The following SDCBP2 variants were observed in gnomAD, a reference collection of about 807,000 sequenced individuals.
SDCBP2 encodes syndecan binding protein 2.
SDCBP2 carries 28 observed loss-of-function variants against 30.7 expected under a neutral mutation model. That is an observed-to-expected ratio of 0.91 (90% CI 0.68 to 1.25). SDCBP2 has a LOEUF of 1.25. Ranked by LOEUF, SDCBP2 falls within the 50% of genes most tolerant of loss-of-function variation. The probability of loss-of-function intolerance (pLI) is 0.00; values close to 1 mark genes in which losing one functional copy is unlikely to be tolerated. For synonymous variants in SDCBP2, 166 were observed against 157.3 expected (o/e 1.06, Z -0.41); for missense variants, 399 against 379.0 (o/e 1.05, Z -0.44).
At chr20:1,326,268 G>C (rs1183284903) in intron 1 of SDCBP2, among the ~76,000 whole-genome samples, 1 of 152,172 alleles carries the variant, frequency 6.6e-6, no homozygotes, top group East Asian at 1.9e-4. Context: ...CCTCCCCAGC[G>C]GTCTCACTGA....
In SDCBP2 at chr20:1,324,051, T is replaced by TC. The variant is rs1268896712; in HGVS notation, c.-19-3617dup. 1 of 152,210 alleles carries TC rather than the reference T, an allele frequency of 6.6e-6. No individual in the cohort carries two copies. Among genetic ancestry groups the TC allele is most frequent in the African/African-American group, 2.4e-5 (1 of 41,422 alleles). 9.4% of individuals were successfully genotyped at this position (152,210 alleles called of 1,614,324 possible). Reference sequence around the variant, plus strand: ...CGTGCTGGTCCCTCTGCTGTGCACATCATCCTCCTTGGTGTGATGCTCCTT... The same window carrying TC: ...CGTGCTGGTCCCTCTGCTGTGCACATCCATCCTCCTTGGTGTGATGCTCCTT... On this transcript the variant is annotated intron_variant, in intron 1 of 8. Coordinates refer to ENST00000360779, the MANE Select transcript of SDCBP2 (RefSeq NM_080489.5). The surrounding 1 kb of genome is among the most constrained non-coding windows in gnomAD (Gnocchi z 4.7).
chr20:1,318,311 T>C lies in SDCBP2; in HGVS notation c.225+7A>G, dbSNP rs1455615580. ...GCGCCCGCAGCAGGCAGAAGCCAAA[T>C]ACATACACTGTCACCCTCTGGAATC... On this transcript the variant is annotated splice_region_variant and intron_variant, in intron 4 of 8. Coordinates refer to ENST00000360779, the MANE Select transcript of SDCBP2 (RefSeq NM_080489.5). 1 of 1,603,698 alleles carries C rather than the reference T, an allele frequency of 6.2e-7. No homozygotes were observed. Among genetic ancestry groups the C allele is most frequent in the Non-Finnish European group, 8.5e-7 (1 of 1,170,678 alleles).
intron 4 of SDCBP2, among the ~76,000 whole-genome samples, chr20:1,314,080 TA>T (rs2088731254): frequency 6.6e-6 from 1 of 152,108 alleles, no homozygotes; most frequent in Non-Finnish European, 1.5e-5. Flanking sequence ...AATCTACAAA[TA>T]AACTCCTAGA....
chr20:1,318,292 G>T, intron 4 of SDCBP2, 26 bp downstream of exon 4: 2 of 1,507,158 alleles, frequency 1.3e-6, no homozygotes, highest in Non-Finnish European at 1.8e-6. Flanking sequence ...TTCTGCGCCC[G>T]CAGCAGGCAG....
rs543907246 is a variant in SDCBP2, at chr20:1,320,908, G to A, written c.-19-473C>T. ...AGAAATGTTTTATTCCCTTCCTGAC[G>A]AAATGTGGGGAAGGAGCAGTCTGCC... On this transcript the variant is annotated intron_variant, in intron 1 of 8. Coordinates refer to ENST00000360779, the MANE Select transcript of SDCBP2 (RefSeq NM_080489.5). The surrounding 1 kb of genome is among the most constrained non-coding windows in gnomAD (Gnocchi z 4.7). 2.2e-4 allele frequency: 33 copies of A among 152,756 alleles called. No individual in the cohort carries two copies. Among genetic ancestry groups the A allele is most frequent in the African/African-American group, 7.2e-4 (30 of 41,552 alleles). The allele number at this position is 152,756 out of a possible 1,614,324, so 9.5% of individuals were successfully genotyped here.
chr20:1,323,377 A>C (rs1189452517), intron 1 of SDCBP2: 3 of 152,224 alleles, frequency 2.0e-5, no homozygotes, highest in African/African-American at 7.2e-5. Context: ...TGCGAAAATA[A>C]GCAGCCACTC....
rs1424770652 is a variant in SDCBP2 at position 1,310,867 on chromosome 20, C to T, written c.757G>A (p.Ala253Thr). 1.9e-6 allele frequency: 3 copies of T among 1,613,936 alleles called. No homozygotes were observed. Among genetic ancestry groups the T allele is most frequent in the Non-Finnish European group, 2.5e-6 (3 of 1,179,888 alleles). Residue 253 changes from alanine to threonine, a missense_variant, in exon 8 of 9, where the codon GCC (alanine) becomes ACC (threonine). Ala to Thr is a moderately conservative substitution (Grantham distance 58). Transcript: ENST00000360779. Reference sequence around the variant, plus strand: ...AGGGTGACAACGTTCCCAGCCGTGGCCAGAATCTCCATGATCTTTTTGTCC... The same window carrying T: ...AGGGTGACAACGTTCCCAGCCGTGGTCAGAATCTCCATGATCTTTTTGTCC... ...LKDKKIMEIL[A>T]TAGNVVTLTI...
rs764916315 is a variant in SDCBP2 at position 1,312,372 on chromosome 20, A to G, written c.697T>C (p.Cys233Arg). ...RNGLLTNHYVCEVDGQNVIGL... is the reference protein window; with the variant it reads ...RNGLLTNHYVREVDGQNVIGL... ...ATAACATTCTGCCCGTCCACCTCAC[A>G]CACGTAGTGGTTGGTGAGGAGCCCG... Residue 233 changes from cysteine to arginine, a missense_variant, in exon 7 of 9, where the codon TGT becomes CGT. By Grantham distance (180) the Cys-to-Arg change is radical (BLOSUM62 -3). Transcript: ENST00000360779. The G allele has an allele frequency of 3.1e-6, 5 of 1,613,390 alleles. No individual in the cohort carries two copies. The highest frequency in any genetic ancestry group is 2.2e-5 in the East Asian group (1 of 44,844).
At chr20:1,326,569 ACT>A (rs1294560479) in intron 1 of SDCBP2, among the ~76,000 whole-genome samples, 1 of 151,700 alleles carries the variant, frequency 6.6e-6, no homozygotes, top group Non-Finnish European at 1.5e-5. Context: ...CTTGTTGTGA[ACT>A]CTTTTTCCTC....
intron 1 of SDCBP2, chr20:1,323,419 G>A (rs1000524088): frequency 2.0e-5 from 3 of 152,180 alleles, no homozygotes; most frequent in Non-Finnish European, 2.9e-5. Flanking sequence ...TTAACCAGTA[G>A]AGCACTTATA....
chr20:1,315,504 G>C (rs2088764356), intron 4 of SDCBP2, among the ~76,000 whole-genome samples: 1 of 152,160 alleles, frequency 6.6e-6, no homozygotes, highest in South Asian at 2.1e-4. Context: ...ACTCCAGCCT[G>C]GGTGACAGAG....
chr20:1,324,662 G>T lies in SDCBP2; in HGVS notation c.-19-4227C>A, dbSNP rs2088894573. On this transcript the variant is annotated intron_variant, in intron 1 of 8. Coordinates refer to ENST00000360779, the MANE Select transcript of SDCBP2 (RefSeq NM_080489.5). This position sits in a 1 kb window ranked among gnomAD's most constrained non-coding sequence, Gnocchi z 4.7. ...AATGCATATATCAGGTTGGTTGTGG[G>T]GAGTTACACTTTGCTCACCATTCTG... Among the ~76,000 whole-genome samples, 1 of 152,178 alleles carries T rather than the reference G, an allele frequency of 6.6e-6. No homozygotes were observed. The highest frequency in any genetic ancestry group is 1.5e-5 in the Non-Finnish European group (1 of 68,026).
intron 7 of SDCBP2, 40 bp downstream of exon 7, chr20:1,312,297 A>G (rs775512391): frequency 5.6e-6 from 9 of 1,596,840 alleles, no homozygotes; most frequent in Non-Finnish European, 5.1e-6. Flanking sequence ...GAGCCCTCCC[A>G]CCACCCGGCA....
In SDCBP2 at chr20:1,310,784, A is replaced by AG. The variant is rs111255970; in HGVS notation, c.824+15dup. ...AGAGGAGGGGTGAGGAGGGGTGAGG[A>AG]GGGGTGCAGCCTTACTTTTTGACCA... On this transcript the variant is annotated intron_variant, in intron 8 of 8. Transcript: ENST00000360779. 8.7e-6 allele frequency: 14 copies of AG among 1,602,284 alleles called. No homozygotes were observed. Among genetic ancestry groups the AG allele is most frequent in the African/African-American group, 6.7e-5 (5 of 74,606 alleles).
At chr20:1,325,576 G>C (rs2088912024) in intron 1 of SDCBP2, 1 of 152,218 alleles carries the variant, frequency 6.6e-6, no homozygotes, top group African/African-American at 2.4e-5. Context: ...GGGCTCCGCG[G>C]CCCCTCTTTA....
At chr20:1,322,994 G>A (rs1403003080) in intron 1 of SDCBP2, 2 of 126,960 alleles carry the variant, frequency 1.6e-5, no homozygotes, top group African/African-American at 3.3e-5. Flanking sequence ...AATAGTGCAT[G>A]GCAACACTCA....
chr20:1,313,533 C>T lies in SDCBP2; in HGVS notation c.226-35G>A, dbSNP rs1160800500. 6.5e-7 allele frequency: 1 copy of T among 1,538,744 alleles called. No individual in the cohort carries two copies. On this transcript the variant is annotated intron_variant, in intron 4 of 8. Transcript: ENST00000360779. This position sits in a 1 kb window ranked among gnomAD's most constrained non-coding sequence, Gnocchi z 5.2. ...CCAGGGGGCAGGGGGTCAGCCCGGC[C>T]CGTGGGGACCCTGTGCCTCAGGAGA...
At chr20:1,325,682 C>T (rs1453865220) in intron 1 of SDCBP2, 4 of 152,140 alleles carry the variant, frequency 2.6e-5, no homozygotes, top group Non-Finnish European at 5.9e-5. Context: ...TTATAAGATT[C>T]TGTACTAAGG....
rs1299816859 is a variant in SDCBP2, at chr20:1,324,920, C to A, written c.-20+4165G>T. On this transcript the variant is annotated intron_variant, in intron 1 of 8. Transcript: ENST00000360779. The surrounding 1 kb of genome is among the most constrained non-coding windows in gnomAD (Gnocchi z 4.7). ...AGCGTGATCGGGTGTAAGCCAGCCT[C>A]AGCTTTTACAAAGTGAAATGCATAT... Among the ~76,000 whole-genome samples, 1 of 152,222 alleles carries A rather than the reference C, an allele frequency of 6.6e-6. No individual in the cohort carries two copies. The highest frequency in any genetic ancestry group is 2.4e-5 in the African/African-American group (1 of 41,454).
Sources: allele counts gnomAD v4.1 joint callset (sites outside exome capture counted in the v4.1 genomes callset), GRCh38; gene constraint gnomAD v4.1.1; non-coding constraint Gnocchi (gnomAD v3.1); transcripts MANE v1.5; gene names NCBI Gene and HGNC (gene_info 2026-07-23, HGNC 2026-07-21).